The following AGO3 variants were observed in gnomAD, a reference collection of about 807,000 sequenced individuals.
The protein encoded by AGO3 is protein argonaute-3.
A neutral mutation model predicts 105.5 loss-of-function variants in AGO3; 16 were observed. That is an observed-to-expected ratio of 0.15 (90% confidence interval 0.10 to 0.23). The LOEUF (loss-of-function observed/expected upper bound fraction) is 0.23, where lower values mean the gene tolerates loss of function less well. AGO3 is among the 10% of genes least tolerant of loss of function. The probability of loss-of-function intolerance (pLI) is 1.00; values close to 1 mark genes in which losing one functional copy is unlikely to be tolerated. For missense variants in AGO3, 534 were observed against 1,088.0 expected (o/e 0.49, Z 7.16); for synonymous variants, 340 against 367.3 (o/e 0.93, Z 0.85).
intron 9 of AGO3, 77 bp downstream of exon 9, chr1:36,009,671 C>G (rs544855961): frequency 7.2e-7 from 1 of 1,394,080 alleles, no homozygotes; most frequent in Non-Finnish European, 9.7e-7. Context: ...ATGTCCTTAT[C>G]AACCCATACC....
At chr1:36,018,715 G>T (rs1382592613) in intron 11 of AGO3, among the ~76,000 whole-genome samples, 1 of 152,164 alleles carries the variant, frequency 6.6e-6, no homozygotes, top group Admixed American at 6.5e-5. Flanking sequence ...ACAGGCATGA[G>T]CCACCACACC....
intron 5 of AGO3, among the ~76,000 whole-genome samples, chr1:35,991,535 TTATATA>T (rs138153778): frequency 6.9e-6 from 1 of 145,758 alleles, no homozygotes; most frequent in Non-Finnish European, 1.5e-5. Context: ...GGAGCAAATT[TTATATA>T]TATATATATA....
intron 5 of AGO3, among the ~76,000 whole-genome samples, chr1:36,002,191 T>C (rs1357408501): frequency 6.6e-6 from 1 of 151,854 alleles, no homozygotes; most frequent in Non-Finnish European, 1.5e-5. Flanking sequence ...AGCTAATTTT[T>C]GTATTTTTTA....
chr1:35,976,641 A>G (rs1646961417), intron 5 of AGO3, among the ~76,000 whole-genome samples: 2 of 152,186 alleles, frequency 1.3e-5, no homozygotes, highest in Admixed American at 6.5e-5. Flanking sequence ...ACGTTTATCA[A>G]GAGTATGTGT....
intron 17 of AGO3, among the ~76,000 whole-genome samples, chr1:36,048,326 T>A (rs1322463692): frequency 6.6e-6 from 1 of 152,096 alleles, no homozygotes; most frequent in Non-Finnish European, 1.5e-5. Flanking sequence ...AGAATCCTAT[T>A]TCCAGCAAAG....
At position 35,993,095 on chromosome 1, in the gene AGO3, A is replaced by G. The variant is rs1012349978; in HGVS notation, c.659-11246A>G. Among the ~76,000 whole-genome samples the G allele has an allele frequency of 2.0e-5, 3 of 152,154 alleles. No homozygotes were observed. The East Asian group carries it at 5.8e-4, about 29-fold the overall frequency. The stretch of plus-strand genomic sequence containing the variant: ...GAAAGTTACATTCTTTTATTTTTAT[A>G]ATACCCTATTGGTTACTCAGATTAC... On this transcript the variant is annotated intron_variant, in intron 5 of 18. Coordinates refer to ENST00000373191, the MANE Select transcript of AGO3 (RefSeq NM_024852.4).
At chr1:36,017,717 A>G (rs2148823521) in intron 11 of AGO3, among the ~76,000 whole-genome samples, 1 of 152,202 alleles carries the variant, frequency 6.6e-6, no homozygotes, top group East Asian at 1.9e-4. Context: ...AGCCTAGGCA[A>G]CATGGCAAAA....
intron 10 of AGO3, 38 bp downstream of exon 10, chr1:36,013,790 T>A: frequency 6.2e-7 from 1 of 1,606,804 alleles, no homozygotes; most frequent in South Asian, 1.1e-5. Flanking sequence ...ATACACATAT[T>A]GTCTGTAAGT....
In AGO3 at chr1:36,027,276, G is replaced by C. The variant is rs749849801; in HGVS notation, c.1569G>C (p.Leu523=). Residue 523 remains leucine (L), a synonymous_variant, in exon 12 of 19, where the codon CTG becomes CTC. Coordinates refer to ENST00000373191, the MANE Select transcript of AGO3 (RefSeq NM_024852.4). The surrounding 1 kb of genome is among the most constrained non-coding windows in gnomAD (Gnocchi z 4.0). ...YSGLQLIIVI[L]PGKTPVYAEV... Reference sequence around the variant, plus strand: ...GCCTACAGCTTATTATCGTCATCCTGCCGGGGAAGACACCAGTGTATGGTA... The same window carrying C: ...GCCTACAGCTTATTATCGTCATCCTCCCGGGGAAGACACCAGTGTATGGTA... The C allele has an allele frequency of 6.8e-6, 11 of 1,613,306 alleles. No homozygotes were observed. The South Asian group carries it at 1.2e-4, about 18-fold the overall frequency.
Position 35,967,007 on chromosome 1 carries a change from C to T in AGO3, c.244C>T (p.Arg82Cys), listed in dbSNP as rs372659384. ...TTTTAAAGTAACTATATTTGGAGACCGTAGACCAGTTTATGATGGAAAAAG... is the reference window on the plus strand; with the variant it reads ...TTTTAAAGTAACTATATTTGGAGACTGTAGACCAGTTTATGATGGAAAAAG... ...QHFKVTIFGD[R>C]RPVYDGKRSL... Residue 82 changes from arginine to cysteine, a missense_variant, in exon 3 of 19, where the codon CGT (arginine) becomes TGT (cysteine). Coordinates refer to ENST00000373191, the MANE Select transcript of AGO3 (RefSeq NM_024852.4). The T allele has an allele frequency of 8.7e-6, 14 of 1,613,368 alleles. No individual in the cohort carries two copies. Among genetic ancestry groups the T allele is most frequent in the African/African-American group, 2.7e-5 (2 of 74,828 alleles).
At chr1:36,041,698 A>G (rs1642257559) in intron 16 of AGO3, among the ~76,000 whole-genome samples, 1 of 152,192 alleles carries the variant, frequency 6.6e-6, no homozygotes, top group Non-Finnish European at 1.5e-5. Flanking sequence ...GATAGAAAGG[A>G]CTAAGAGAGG....
At chr1:35,945,623 C>A (rs1646348952) in intron 1 of AGO3, 69 bp from the exon 2 acceptor site, 1 of 1,489,490 alleles carries the variant, frequency 6.7e-7, no homozygotes, top group Non-Finnish European at 9.2e-7. Flanking sequence ...TTCTAATATA[C>A]TCTGGTTGAC....
rs147423045 is a variant in AGO3 at position 35,949,283 on chromosome 1, A to G, written c.191+3420A>G. On this transcript the variant is annotated intron_variant, in intron 2 of 18. Transcript: ENST00000373191. ...ACTGTAGGACTTGTTTGGGATTCTA[A>G]AAATCATATAAATCAGCTTTATACT... 3.4e-4 allele frequency among the ~76,000 whole-genome samples: 52 copies of G among 152,344 alleles called. No homozygotes were observed. The East Asian group carries it at 9.8e-3, about 29-fold the overall frequency.
At chr1:36,014,747 G>A (rs1477879337) in intron 11 of AGO3, among the ~76,000 whole-genome samples, 10 of 148,446 alleles carry the variant, frequency 6.7e-5, no homozygotes, top group East Asian at 6.3e-4. Context: ...CTCCAGCCTG[G>A]GCAACAGAGT....
Position 36,039,936 on chromosome 1 carries a change from T to G in AGO3, c.1989T>G (p.Thr663=). ...ATAAGTCAACTCGGTTCAAGCCTAC[T>G]CGTATCATCTTTTATCGGGATGGTG... ...QFYKSTRFKP[T]RIIFYRDGVS... Residue 663 remains threonine (T), a synonymous_variant, in exon 15 of 19, where the codon ACT becomes ACG. Transcript: ENST00000373191. 1 of 1,613,946 alleles carries G rather than the reference T, an allele frequency of 6.2e-7. No individual in the cohort carries two copies. Among genetic ancestry groups the G allele is most frequent in the Non-Finnish European group, 8.5e-7 (1 of 1,179,984 alleles).
chr1:35,955,734 A>G (rs949758542), intron 2 of AGO3, among the ~76,000 whole-genome samples: 1 of 151,954 alleles, frequency 6.6e-6, no homozygotes, highest in Non-Finnish European at 1.5e-5. Flanking sequence ...AGCTGGGACT[A>G]CAGGCACATA....
At chr1:35,934,055 CTG>C (rs1433976176) in intron 1 of AGO3, among the ~76,000 whole-genome samples, 3 of 152,160 alleles carry the variant, frequency 2.0e-5, no homozygotes, top group Admixed American at 1.3e-4. Flanking sequence ...ACATCTGTGT[CTG>C]TGACTCTTTA....
chr1:36,038,057 CTAAG>C (rs1308139783), intron 14 of AGO3, among the ~76,000 whole-genome samples: 1 of 151,970 alleles, frequency 6.6e-6, no homozygotes, highest in Non-Finnish European at 1.5e-5. Flanking sequence ...GTGTGAGAAA[CTAAG>C]TAAGTAATGA....
chr1:36,006,428 A>G (rs1640337403), intron 6 of AGO3, among the ~76,000 whole-genome samples: 1 of 152,086 alleles, frequency 6.6e-6, no homozygotes, highest in African/African-American at 2.4e-5. Context: ...ATATATCTAT[A>G]TATGTGCCAA....
Sources: gnomAD v4.1 joint callset for allele counts (sites outside exome capture counted in the v4.1 genomes callset) on GRCh38, gnomAD v4.1.1 for gene constraint, Gnocchi (gnomAD v3.1) non-coding constraint, MANE v1.5 for transcripts, NCBI Gene and HGNC (gene_info 2026-07-23, HGNC 2026-07-21) for gene names.